The following CRYL1 variants were observed in gnomAD, a reference collection of about 807,000 sequenced individuals.
CRYL1 encodes crystallin lambda 1.
A neutral mutation model predicts 36.6 loss-of-function variants in CRYL1; 29 were observed. The observed-to-expected ratio is 0.79, with a 90% confidence interval of 0.59 to 1.08. The LOEUF (loss-of-function observed/expected upper bound fraction) is 1.08, where lower values mean the gene tolerates loss of function less well. CRYL1 is among the 50% of genes least tolerant of loss of function. The pLI, the probability that CRYL1 is intolerant of heterozygous loss-of-function variation, is 0.00. For missense variants in CRYL1, 411 were observed against 407.9 expected (o/e 1.01, Z -0.06); for synonymous variants, 152 against 151.5 (o/e 1.00, Z -0.02).
intron 4 of CRYL1, chr13:20,433,699 T>G (rs965475493): frequency 1.9e-5 from 3 of 154,420 alleles, no homozygotes; most frequent in African/African-American, 7.2e-5. Context: ...CTTTCTCAGA[T>G]GAATTTTACC....
Position 20,459,121 on chromosome 13 carries a change from G to A in CRYL1, c.277-19367C>T, listed in dbSNP as rs530147679. Among the ~76,000 whole-genome samples, 661 of 151,398 alleles carry A rather than the reference G, an allele frequency of 4.4e-3. 2 individuals carry two copies. The highest frequency in any genetic ancestry group is 4.6e-3 in the South Asian group (22 of 4,794). On this transcript the variant is annotated intron_variant, in intron 3 of 7. Transcript: ENST00000298248. ...CGTGGTGGCGGGTGCCTGTAGTCCC[G>A]GCTACTCGGGAGGCTGAGGCAGGAG...
At chr13:20,484,893 T>G (rs559983098) in intron 3 of CRYL1, among the ~76,000 whole-genome samples, 309 of 152,344 alleles carry the variant, frequency 2.0e-3, no homozygotes, top group African/African-American at 6.5e-3. Flanking sequence ...AACATTACAT[T>G]GTGTTAGAAA....
At chr13:20,407,555 A>C (rs576095401) in intron 6 of CRYL1, among the ~76,000 whole-genome samples, 10 of 152,280 alleles carry the variant, frequency 6.6e-5, no homozygotes, top group African/African-American at 2.4e-4. Context: ...AACACAGCCC[A>C]CTTCACTTTT....
intron 3 of CRYL1, among the ~76,000 whole-genome samples, chr13:20,487,778 CA>C (rs60481026): frequency 1.4e-5 from 2 of 145,826 alleles, no homozygotes; most frequent in African/African-American, 2.5e-5. Context: ...GACTCTATCT[CA>C]AAAAAAAACA....
Position 20,485,683 on chromosome 13 carries a change from G to C in CRYL1, c.276+3687C>G, listed in dbSNP as rs1424983288. Among the ~76,000 whole-genome samples, 29 of 113,414 alleles carry C rather than the reference G, an allele frequency of 2.6e-4. No homozygotes were observed. The Admixed American group carries it at 2.9e-3, about 11-fold the overall frequency. The allele number at this position is 113,414 out of a possible 152,430, so 74.4% of individuals were successfully genotyped here. A position where few individuals can be genotyped will look rare whatever the true frequency, so the allele number is the denominator to read the frequency against. On this transcript the variant is annotated intron_variant, in intron 3 of 7. Coordinates refer to ENST00000298248, the MANE Select transcript of CRYL1 (RefSeq NM_015974.3). ...GACTCCATCTCAAAGAAAAAAGAAA[G>C]ATAGAAAAGAAAAGAAAAGAAAAGA...
chr13:20,511,971 A>T (rs970848131), intron 2 of CRYL1, among the ~76,000 whole-genome samples: 1 of 152,254 alleles, frequency 6.6e-6, no homozygotes, highest in Non-Finnish European at 1.5e-5. Context: ...CTGTCCTCTC[A>T]CATGAGTGCT....
intron 3 of CRYL1, among the ~76,000 whole-genome samples, chr13:20,472,585 A>G (rs1220861471): frequency 6.6e-6 from 1 of 152,152 alleles, no homozygotes. Context: ...GTGCCCTCCT[A>G]ACGTACGGGC....
intron 3 of CRYL1, among the ~76,000 whole-genome samples, chr13:20,488,031 A>G (rs1314077537): frequency 6.7e-6 from 1 of 149,300 alleles, no homozygotes; most frequent in Non-Finnish European, 1.5e-5. Flanking sequence ...GAATCCAGGA[A>G]GTGGAGGCTG....
At chr13:20,520,832 A>G (rs9509264) in intron 1 of CRYL1, among the ~76,000 whole-genome samples, 128,441 of 152,136 alleles carry the variant, frequency 0.84, 57,187 homozygotes, top group East Asian at 1. Context: ...CGGGCCGGGC[A>G]CGGTGGCTCA....
chr13:20,409,194 T>C (rs1324104699), intron 6 of CRYL1, among the ~76,000 whole-genome samples: 3 of 151,004 alleles, frequency 2.0e-5, no homozygotes, highest in South Asian at 2.1e-4. Flanking sequence ...GAAATAATGC[T>C]GCATATCTAC....
At chr13:20,469,973 G>A (rs916847990) in intron 3 of CRYL1, among the ~76,000 whole-genome samples, 15 of 152,198 alleles carry the variant, frequency 9.9e-5, no homozygotes, top group African/African-American at 3.6e-4. Flanking sequence ...AATCTTAGAA[G>A]TTCAGGACTA....
chr13:20,432,557 C>T (rs17051779), intron 4 of CRYL1, among the ~76,000 whole-genome samples: 1,903 of 152,202 alleles, frequency 0.013, 42 homozygotes, highest in African/African-American at 0.044. Context: ...GCTTGCTATC[C>T]TGTATGTTTA....
rs772956446 is a variant in CRYL1, at chr13:20,439,685, G to C, written c.346C>G (p.Arg116Gly). Reference sequence around the variant, plus strand: ...GAAGTGGAACTGCTTAAGATCACTCGATCATCAATGATGGAATCTAACTGA... The same window carrying C: ...GAAGTGGAACTGCTTAAGATCACTCCATCATCAATGATGGAATCTAACTGA... ...FAQLDSIIDD[R>G]VILSSSTSCL... Residue 116 changes from arginine to glycine, a missense_variant, in exon 4 of 8, where the codon CGA (arginine) becomes GGA (glycine). Transcript: ENST00000298248. 1.2e-6 allele frequency: 2 copies of C among 1,613,820 alleles called. No individual in the cohort carries two copies. Among genetic ancestry groups the C allele is most frequent in the Non-Finnish European group, 1.7e-6 (2 of 1,179,884 alleles).
In CRYL1 at chr13:20,439,645, G is replaced by C. The variant is rs757273474; in HGVS notation, c.386C>G (p.Ser129Cys). The C allele has an allele frequency of 3.1e-6, 5 of 1,613,904 alleles. No homozygotes were observed. The highest frequency in any genetic ancestry group is 4.2e-6 in the Non-Finnish European group (5 of 1,180,012). ...ATGGACCAAGCCAGCAAACAACTTG[G>C]AAGGCATGAGACAAGAAGTGGAACT... ...LSSSTSCLMPSKLFAGLVHVK... is the reference protein window; with the variant it reads ...LSSSTSCLMPCKLFAGLVHVK... Residue 129 changes from serine (S) to cysteine (C), a missense_variant, in exon 4 of 8, where the codon TCC (serine) becomes TGC (cysteine). Physicochemically the swap from Ser to Cys is moderately radical, Grantham distance 112. Transcript: ENST00000298248.
chr13:20,437,693 A>C (rs930729243), intron 4 of CRYL1, among the ~76,000 whole-genome samples: 4 of 151,992 alleles, frequency 2.6e-5, no homozygotes, highest in Non-Finnish European at 1.5e-5. Context: ...ACAGTTACCA[A>C]CTCCTGCTGG....
chr13:20,523,853 C>T (rs1281219828), intron 1 of CRYL1, among the ~76,000 whole-genome samples: 1 of 152,210 alleles, frequency 6.6e-6, no homozygotes, highest in Admixed American at 6.5e-5. Flanking sequence ...AAACTGTTAA[C>T]TGAAGCTCCT....
intron 2 of CRYL1, among the ~76,000 whole-genome samples, chr13:20,508,335 C>T (rs2033840951): frequency 6.6e-6 from 1 of 152,178 alleles, no homozygotes; most frequent in South Asian, 2.1e-4. Context: ...CAAAGTGGAG[C>T]TTGCTATGCT....
intron 3 of CRYL1, among the ~76,000 whole-genome samples, chr13:20,483,111 C>A (rs9552196): frequency 1.3e-5 from 2 of 151,772 alleles, no homozygotes; most frequent in South Asian, 2.1e-4. Context: ...CTAGAAGGAG[C>A]AAGGTCTAGC....
chr13:20,416,303 C>T (rs993118511), intron 5 of CRYL1, among the ~76,000 whole-genome samples: 1 of 152,182 alleles, frequency 6.6e-6, no homozygotes, highest in Non-Finnish European at 1.5e-5. Flanking sequence ...CTCCCAATAG[C>T]GAAGCTGTAA....
Sources: allele counts gnomAD v4.1 joint callset (sites outside exome capture counted in the v4.1 genomes callset), GRCh38; gene constraint gnomAD v4.1.1; transcripts MANE v1.5; gene names NCBI Gene and HGNC (gene_info 2026-07-23, HGNC 2026-07-21).